JAZF1: variants seen among roughly 807,000 people sequenced by gnomAD.
The protein encoded by JAZF1 is JAZF zinc finger 1, also known as juxtaposed with another zinc finger protein 1.
Under a neutral mutation model 26.4 loss-of-function variants are expected in JAZF1, and 8 were observed. The ratio of observed to expected loss-of-function variants is 0.30; its 90% CI spans 0.18 to 0.55. JAZF1 has a LOEUF of 0.55. JAZF1 is among the 20% of genes least tolerant of loss of function. The pLI is 0.94. For synonymous variants in JAZF1, 126 were observed against 122.3 expected, an observed-to-expected ratio of 1.03 and a Z score of -0.20; for missense variants, 199 against 322.0, an observed-to-expected ratio of 0.62 and a Z score of 2.92.
At chr7:28,135,480 G>A (rs1782868288) in intron 1 of JAZF1, among the ~76,000 whole-genome samples, 1 of 152,190 alleles carries the variant, frequency 6.6e-6, no homozygotes, top group Non-Finnish European at 1.5e-5. Flanking sequence ...ACAGCCACAT[G>A]TTCTTTGGCT....
intron 3 of JAZF1, among the ~76,000 whole-genome samples, chr7:27,850,883 TAACA>T (rs1028441623): frequency 3.3e-5 from 5 of 152,036 alleles, no homozygotes; most frequent in African/African-American, 4.8e-5. Flanking sequence ...ACTATAAATC[TAACA>T]AACATTTATA....
intron 1 of JAZF1, chr7:28,020,896 A>C: frequency 3.1e-6 from 1 of 326,436 alleles, no homozygotes; most frequent in Non-Finnish European, 6.1e-6. Flanking sequence ...TCCCTCATGA[A>C]GTCTAAGGGA....
intron 3 of JAZF1, among the ~76,000 whole-genome samples, chr7:27,852,364 C>T (rs753999546): frequency 6.6e-6 from 1 of 152,020 alleles, no homozygotes; most frequent in Non-Finnish European, 1.5e-5. Context: ...GAACTCTTGA[C>T]CTCAGGTGAT....
At chr7:27,837,256 T>C (rs1782832554) in intron 4 of JAZF1, among the ~76,000 whole-genome samples, 1 of 152,258 alleles carries the variant, frequency 6.6e-6, no homozygotes, top group African/African-American at 2.4e-5. Context: ...ACCCATCTTT[T>C]AAACCTATCT....
intron 1 of JAZF1, among the ~76,000 whole-genome samples, chr7:28,071,285 C>T (rs986280445): frequency 6.6e-6 from 1 of 152,198 alleles, no homozygotes; most frequent in Non-Finnish European, 1.5e-5. Flanking sequence ...GAAAAGAGCT[C>T]ATCACAGCAT....
intron 1 of JAZF1, among the ~76,000 whole-genome samples, chr7:28,141,593 G>C (rs1269951014): frequency 6.6e-6 from 1 of 152,090 alleles, no homozygotes; most frequent in Non-Finnish European, 1.5e-5. Context: ...ATTAGTATCA[G>C]GCATAGACTA....
chr7:27,963,558 T>TCC lies in JAZF1; in HGVS notation c.188+28349_188+28350dup, dbSNP rs34874067. On this transcript the variant is annotated intron_variant, in intron 2 of 4. Transcript: ENST00000283928. ...TAGCAAATGGATCAATGTTTGCAAT[T>TCC]CCCCCCCCCCCTTTTTTTTTGGAGA... Among the ~76,000 whole-genome samples, 35 of 97,618 alleles carry TCC rather than the reference T, an allele frequency of 3.6e-4. 2 individuals are homozygous for TCC. Among genetic ancestry groups the TCC allele is most frequent in the Admixed American group, 9.6e-4 (9 of 9,374 alleles). 64.0% of individuals were successfully genotyped at this position (97,618 alleles called of 152,430 possible). A position where few individuals can be genotyped will look rare whatever the true frequency, so the allele number is the denominator to read the frequency against.
chr7:27,960,500 A>G (rs1244460773), intron 2 of JAZF1, among the ~76,000 whole-genome samples: 1 of 152,240 alleles, frequency 6.6e-6, no homozygotes. Context: ...ACAATGTCTG[A>G]CAGTCTTGCT....
intron 3 of JAZF1, among the ~76,000 whole-genome samples, chr7:27,872,302 G>C (rs1391381041): frequency 1.3e-5 from 2 of 152,154 alleles, no homozygotes; most frequent in Non-Finnish European, 2.9e-5. Flanking sequence ...AATGCATTGG[G>C]TTTCCTGCAA....
intron 3 of JAZF1, among the ~76,000 whole-genome samples, chr7:27,866,948 G>C (rs895607916): frequency 6.6e-6 from 1 of 152,218 alleles, no homozygotes; most frequent in African/African-American, 2.4e-5. Context: ...CAAGGTTGGA[G>C]ATGGCCCAGA....
chr7:28,171,973 T>C (rs1314627723), intron 1 of JAZF1, among the ~76,000 whole-genome samples: 2 of 152,294 alleles, frequency 1.3e-5, no homozygotes, highest in Admixed American at 1.3e-4. Flanking sequence ...TTTACAAAAG[T>C]GATTATCTAT....
intron 1 of JAZF1, among the ~76,000 whole-genome samples, chr7:28,108,517 C>T (rs962093064): frequency 6.6e-5 from 10 of 152,148 alleles, no homozygotes; most frequent in African/African-American, 1.2e-4. Context: ...CAGTTTCTTA[C>T]GGATCTGATC....
intron 1 of JAZF1, among the ~76,000 whole-genome samples, chr7:28,158,354 C>T (rs368874008): frequency 3.9e-5 from 6 of 152,226 alleles, no homozygotes; most frequent in African/African-American, 1.4e-4. Flanking sequence ...TTCCAGTAAG[C>T]CCTTTTGGCC....
intron 1 of JAZF1, among the ~76,000 whole-genome samples, chr7:28,153,351 A>G (rs1394891128): frequency 6.6e-6 from 1 of 152,240 alleles, no homozygotes; most frequent in Non-Finnish European, 1.5e-5. Flanking sequence ...TGTATTTTAT[A>G]AATTTATTTT....
intron 2 of JAZF1, among the ~76,000 whole-genome samples, chr7:27,976,049 ATATGGTCTT>A (rs1445918344): frequency 2.0e-5 from 3 of 152,176 alleles, no homozygotes; most frequent in African/African-American, 7.2e-5. Context: ...CCTCAAGAAT[ATATGGTCTT>A]TCTGGGCTAG....
At chr7:27,897,235 A>G (rs1311061588) in intron 2 of JAZF1, among the ~76,000 whole-genome samples, 1 of 152,226 alleles carries the variant, frequency 6.6e-6, no homozygotes, top group African/African-American at 2.4e-5. Context: ...TAAGTAATTC[A>G]AACTAGTGTT....
At chr7:28,097,893 C>A (rs1784409681) in intron 1 of JAZF1, among the ~76,000 whole-genome samples, 1 of 152,228 alleles carries the variant, frequency 6.6e-6, no homozygotes, top group Non-Finnish European at 1.5e-5. Context: ...ACACTATGCA[C>A]TTCTGCACAG....
chr7:28,050,774 A>G (rs1783598850), intron 1 of JAZF1, among the ~76,000 whole-genome samples: 1 of 152,218 alleles, frequency 6.6e-6, no homozygotes, highest in African/African-American at 2.4e-5. Flanking sequence ...TGATCGAGTT[A>G]TTAATATTTT....
chr7:28,001,079 C>T (rs113020842), intron 1 of JAZF1, among the ~76,000 whole-genome samples: 6,530 of 151,948 alleles, frequency 0.043, 500 homozygotes, highest in African/African-American at 0.15. Flanking sequence ...TCTGGCCGGG[C>T]GCAGTGGCTC....
Sources: gnomAD v4.1 joint callset for allele counts (sites outside exome capture counted in the v4.1 genomes callset) on GRCh38, gnomAD v4.1.1 for gene constraint, MANE v1.5 for transcripts, NCBI Gene and HGNC (gene_info 2026-07-23, HGNC 2026-07-21) for gene names.